Variants in SPTY2D1 observed in about 807,000 individuals in gnomAD.
SPTY2D1 encodes protein SPT2 homolog.
In SPTY2D1, 21 loss-of-function variants were observed where a neutral mutation model predicts 64.0. That is an observed-to-expected ratio of 0.33 (90% CI 0.23 to 0.47). SPTY2D1 has a LOEUF of 0.47. SPTY2D1 is among the 20% of genes least tolerant of loss of function. The pLI is 1.00. For synonymous variants in SPTY2D1, 287 were observed against 286.8 expected, an observed-to-expected ratio of 1.00 and a Z score of -0.01; for missense variants, 724 against 837.2, an observed-to-expected ratio of 0.86 and a Z score of 1.67.
chr11:18,613,908 TG>T (rs1344805811), intron 3 of SPTY2D1, among the ~76,000 whole-genome samples: 3 of 152,174 alleles, frequency 2.0e-5, no homozygotes, highest in Non-Finnish European at 4.4e-5. Context: ...AAATATCTGC[TG>T]AATAAGCTTC....
intron 5 of SPTY2D1, 74 bp from the exon 6 acceptor site, chr11:18,610,028 C>G: frequency 7.4e-7 from 1 of 1,357,732 alleles, no homozygotes; most frequent in Non-Finnish European, 1.0e-6. Flanking sequence ...AATGAAAATT[C>G]CAACTGGGAG....
chr11:18,611,547 C>G lies in SPTY2D1; in HGVS notation c.1894G>C (p.Asp632His), dbSNP rs1323191905. 1 of 1,613,474 alleles carries G rather than the reference C, an allele frequency of 6.2e-7. No individual in the cohort carries two copies. The highest frequency in any genetic ancestry group is 1.1e-5 in the South Asian group (1 of 91,044). ...TAACGTAAGGCATAATCACTTTCATCTTTGTATCTGATAAAAGGAAATCAA... is the reference window on the plus strand; with the variant it reads ...TAACGTAAGGCATAATCACTTTCATGTTTGTATCTGATAAAAGGAAATCAA... ...IFGYDRKKYKDESDYALRYME... is the reference protein window; with the variant it reads ...IFGYDRKKYKHESDYALRYME... Residue 632 changes from aspartate (D) to histidine (H), a missense_variant, in exon 5 of 6, where the codon GAT (aspartate) becomes CAT (histidine). Asp to His is a moderately conservative substitution (Grantham distance 81). Transcript: ENST00000336349.
intron 1 of SPTY2D1, among the ~76,000 whole-genome samples, chr11:18,619,182 A>C (rs1454660703): frequency 1.3e-5 from 2 of 152,282 alleles, no homozygotes; most frequent in East Asian, 3.9e-4. Flanking sequence ...AGGAGCTTAC[A>C]TTTTCATTGT....
rs1854275633 is a variant in SPTY2D1 at position 18,615,196 on chromosome 11, G to A, written c.1078C>T (p.His360Tyr). Residue 360 changes from histidine (H) to tyrosine (Y), a missense_variant, in exon 3 of 6, where the codon CAC (histidine) becomes TAC (tyrosine). His to Tyr is a moderately conservative substitution (Grantham distance 83, BLOSUM62 2). This residue lies in a region of SPTY2D1 where 426 missense variants were observed against 431.8 expected (regional missense o/e 0.99). Coordinates refer to ENST00000336349, the MANE Select transcript of SPTY2D1 (RefSeq NM_194285.3). ...ACACCTGGACTCTTAGCCTTATTGT[G>A]TGGGGTGACCATGGGCCCAGGCCTG... ...HSRPGPMVTP[H>Y]NKAKSPGVRQ... 9.3e-6 allele frequency: 15 copies of A among 1,614,262 alleles called. No homozygotes were observed. The highest frequency in any genetic ancestry group is 1.3e-5 in the African/African-American group (1 of 75,068).
intron 1 of SPTY2D1, among the ~76,000 whole-genome samples, chr11:18,619,750 CG>C (rs1854361320): frequency 6.6e-6 from 1 of 152,036 alleles, no homozygotes; most frequent in Non-Finnish European, 1.5e-5. Flanking sequence ...AGCAAGACTC[CG>C]TCTCAATAAA....
intron 1 of SPTY2D1, among the ~76,000 whole-genome samples, chr11:18,623,628 G>A (rs1854451828): frequency 5.3e-5 from 8 of 152,144 alleles, no homozygotes; most frequent in Admixed American, 5.2e-4. Flanking sequence ...TGCCAATGAA[G>A]GCATAAGAGC....
At chr11:18,613,666 A>G (rs1854242370) in intron 3 of SPTY2D1, among the ~76,000 whole-genome samples, 1 of 152,186 alleles carries the variant, frequency 6.6e-6, no homozygotes, top group African/African-American at 2.4e-5. Context: ...AAGTAATTCA[A>G]TCATTGGTTC....
intron 1 of SPTY2D1, among the ~76,000 whole-genome samples, chr11:18,631,552 C>CA (rs71050620): frequency 0.45 from 50,930 of 112,562 alleles, 10,517 homozygotes; most frequent in Middle Eastern, 0.61. Context: ...GACTCCATCT[C>CA]AAAAAAAAGA....
intron 1 of SPTY2D1, among the ~76,000 whole-genome samples, chr11:18,622,103 A>AAAAAAAAAAAAAAAAAAAAAC (rs1565161248): frequency 1.4e-5 from 2 of 147,958 alleles, no homozygotes; most frequent in African/African-American, 4.9e-5. Context: ...AAAAAAAAAA[A>AAAAAAAAAAAAAAAAAAAAAC]ACCAAAACCA....
intron 1 of SPTY2D1, 72 bp from the exon 2 acceptor site, chr11:18,617,061 G>T: frequency 1.6e-6 from 2 of 1,264,410 alleles, no homozygotes; most frequent in Non-Finnish European, 1.2e-6. Flanking sequence ...AAGGCACTGT[G>T]CCAGGTAATA....
intron 3 of SPTY2D1, among the ~76,000 whole-genome samples, chr11:18,613,578 G>A (rs970483519): frequency 2.0e-5 from 3 of 152,186 alleles, no homozygotes; most frequent in Non-Finnish European, 2.9e-5. Context: ...CAGTTGTGAC[G>A]ATTGCCAAAA....
chr11:18,612,516 T>G lies in SPTY2D1; in HGVS notation c.1712-28A>C, dbSNP rs1467093356. 10 of 1,547,848 alleles carry G rather than the reference T, an allele frequency of 6.5e-6. No homozygotes were observed. The highest frequency in any genetic ancestry group is 1.4e-5 in the African/African-American group (1 of 71,798). On this transcript the variant is annotated intron_variant, in intron 3 of 5. Coordinates refer to ENST00000336349, the MANE Select transcript of SPTY2D1 (RefSeq NM_194285.3). This position sits in a 1 kb window ranked among gnomAD's most constrained non-coding sequence, Gnocchi z 4.6. ...AAGAAACCATTATTTATAAGAATAT[T>G]ACAATTTAAAATAGTTCCAATGCAG... is the stretch of plus-strand genomic sequence containing the variant.
At chr11:18,619,586 A>G (rs1590402651) in intron 1 of SPTY2D1, among the ~76,000 whole-genome samples, 1 of 151,986 alleles carries the variant, frequency 6.6e-6, no homozygotes, top group African/African-American at 2.4e-5. Context: ...GTAAAACTGC[A>G]TCTCTACTAA....
At chr11:18,617,494 C>A (rs1185842693) in intron 1 of SPTY2D1, among the ~76,000 whole-genome samples, 3 of 151,390 alleles carry the variant, frequency 2.0e-5, no homozygotes, top group African/African-American at 7.3e-5. Context: ...GGCGTAGTGG[C>A]GGGTGCCTGT....
Position 18,624,328 on chromosome 11 carries a change from C to A in SPTY2D1, c.61-7339G>T, listed in dbSNP as rs558089622. Among the ~76,000 whole-genome samples, 391 of 152,270 alleles carry A rather than the reference C, an allele frequency of 2.6e-3. 2 individuals carry two copies. The highest frequency in any genetic ancestry group is 8.8e-3 in the African/African-American group (364 of 41,564). On this transcript the variant is annotated intron_variant, in intron 1 of 5. Coordinates refer to ENST00000336349, the MANE Select transcript of SPTY2D1 (RefSeq NM_194285.3). ...ATATTTAGCTCTAGCAGCAGCACAT[C>A]AGGATGCATCCATCAATTCTGAATC...
chr11:18,617,520 G>C (rs1397856705), intron 1 of SPTY2D1, among the ~76,000 whole-genome samples: 1 of 149,794 alleles, frequency 6.7e-6, no homozygotes, highest in Admixed American at 6.7e-5. Context: ...CAGCTACTCA[G>C]GAGGCTGAGG....
At chr11:18,621,318 AAAAACAGAAAAG>A in intron 1 of SPTY2D1, among the ~76,000 whole-genome samples, 1 of 136,628 alleles carries the variant, frequency 7.3e-6, no homozygotes, top group African/African-American at 3.2e-5. Flanking sequence ...CTCTGTCTCA[AAAAACAGAAAAG>A]AAAAGAAAAG....
Position 18,616,015 on chromosome 11 carries a change from T to C in SPTY2D1, c.259A>G (p.Lys87Glu). The change falls in exon 3 of 6, where the codon AAG becomes GAG. Residue 87 changes from lysine (K) to glutamate (E), a missense_variant. Physicochemically the swap from Lys to Glu is moderately conservative, Grantham distance 56. Around this residue, in one of 3 missense-constraint regions of SPTY2D1, gnomAD observed 179 missense variants for 232.5 expected, o/e 0.77. Transcript: ENST00000336349. ...KHDKKARAMA[K>E]RTKDNFHGYN... ...CCATGGAAATTATCCTTTGTCCTCT[T>C]GGCCATAGCTCTTGCTTTCTTGTCA... 1 of 1,614,226 alleles carries C rather than the reference T, an allele frequency of 6.2e-7. No individual in the cohort carries two copies. The highest frequency in any genetic ancestry group is 1.3e-5 in the African/African-American group (1 of 75,066).
At position 18,606,660 on chromosome 11, in the gene SPTY2D1, A is replaced by G. The variant is rs1477447921; in HGVS notation, c.*3201T>C. On this transcript the variant is annotated 3_prime_UTR_variant, in exon 6 of 6. Coordinates refer to ENST00000336349, the MANE Select transcript of SPTY2D1 (RefSeq NM_194285.3). ...AATCACATCCACTCAGAAAATAAAT[A>G]GTAGTCTAATATATTCAATACATTG... 6 of 391,186 alleles carry G rather than the reference A, an allele frequency of 1.5e-5. No individual in the cohort carries two copies. The highest frequency in any genetic ancestry group is 2.2e-5 in the African/African-American group (1 of 45,154). 24.2% of individuals were successfully genotyped at this position (391,186 alleles called of 1,614,324 possible).
Sources: allele counts gnomAD v4.1 joint callset (sites outside exome capture counted in the v4.1 genomes callset), GRCh38; gene constraint gnomAD v4.1.1; regional missense constraint gnomAD v4.1.1; non-coding constraint Gnocchi (gnomAD v3.1); transcripts MANE v1.5; gene names NCBI Gene and HGNC (gene_info 2026-07-23, HGNC 2026-07-21).